The following ADCY1 variants were observed in gnomAD, a reference collection of about 807,000 sequenced individuals.
The protein encoded by ADCY1 is adenylate cyclase 1.
Under a neutral mutation model 105.4 loss-of-function variants are expected in ADCY1, and 28 were observed. The ratio of observed to expected loss-of-function variants is 0.27; its 90% CI spans 0.20 to 0.36. The LOEUF (loss-of-function observed/expected upper bound fraction) is 0.36, where lower values mean the gene tolerates loss of function less well. ADCY1 is among the 10% of genes least tolerant of loss of function. The pLI is 1.00. For synonymous variants in ADCY1, 655 were observed against 623.8 expected, an observed-to-expected ratio of 1.05 and a Z score of -0.75; for missense variants, 977 against 1,434.2, an observed-to-expected ratio of 0.68 and a Z score of 5.15.
chr7:45,592,419 C>T (rs1784786640), intron 1 of ADCY1, among the ~76,000 whole-genome samples: 2 of 152,208 alleles, frequency 1.3e-5, no homozygotes, highest in South Asian at 4.1e-4. Context: ...CCCCGATGGC[C>T]TCATTTTAAC....
At chr7:45,592,593 C>T (rs1055554786) in intron 1 of ADCY1, among the ~76,000 whole-genome samples, 166 bp from the exon 2 acceptor site, 4 of 152,170 alleles carry the variant, frequency 2.6e-5, no homozygotes, top group African/African-American at 4.8e-5. Flanking sequence ...AGGGTGAGGA[C>T]GAGCTCCTGC....
At chr7:45,665,856 T>C (rs1784234579) in intron 8 of ADCY1, among the ~76,000 whole-genome samples, 1 of 152,220 alleles carries the variant, frequency 6.6e-6, no homozygotes, top group Non-Finnish European at 1.5e-5. Context: ...GTTGATCTCA[T>C]GTCTACTGGT....
At chr7:45,702,172 T>A (rs1337451377) in intron 14 of ADCY1, among the ~76,000 whole-genome samples, 1 of 152,228 alleles carries the variant, frequency 6.6e-6, no homozygotes, top group Non-Finnish European at 1.5e-5. Context: ...AGCGGCATAT[T>A]CGTGGCCAGC....
intron 2 of ADCY1, among the ~76,000 whole-genome samples, chr7:45,597,008 A>G (rs1359974889): frequency 6.6e-6 from 1 of 152,162 alleles, no homozygotes; most frequent in African/African-American, 2.4e-5. Context: ...CTTTGTGAGT[A>G]GGGAGAGCAT....
intron 14 of ADCY1, among the ~76,000 whole-genome samples, chr7:45,699,896 G>A (rs1001028092): frequency 2.0e-5 from 3 of 152,146 alleles, no homozygotes; most frequent in East Asian, 1.9e-4. Context: ...AGTGGACACC[G>A]GAGCTTCCTC....
intron 3 of ADCY1, among the ~76,000 whole-genome samples, chr7:45,620,988 A>G (rs1215345476): frequency 1.3e-5 from 2 of 151,838 alleles, no homozygotes; most frequent in African/African-American, 4.8e-5. Context: ...CCATAGTTAC[A>G]TGTGTCACCT....
At chr7:45,602,202 A>T (rs1793257676) in intron 2 of ADCY1, among the ~76,000 whole-genome samples, 1 of 151,334 alleles carries the variant, frequency 6.6e-6, no homozygotes, top group Admixed American at 6.6e-5. Flanking sequence ...GAGGAAGGGG[A>T]TATGGGCTGG....
At chr7:45,593,157 G>A (rs1238799809) in intron 2 of ADCY1, among the ~76,000 whole-genome samples, 2 of 152,150 alleles carry the variant, frequency 1.3e-5, no homozygotes, top group Non-Finnish European at 2.9e-5. Context: ...GCATTTGGGC[G>A]CACGGACTTC....
chr7:45,610,632 T>G (rs1584267817), intron 3 of ADCY1, 135 bp downstream of exon 3: 2 of 704,026 alleles, frequency 2.8e-6, no homozygotes, highest in African/African-American at 2.2e-5. Flanking sequence ...GGTGTGGAGG[T>G]AATGGTGAAG....
chr7:45,655,168 C>T (rs1469399423), intron 5 of ADCY1, among the ~76,000 whole-genome samples: 1 of 152,224 alleles, frequency 6.6e-6, no homozygotes, highest in Non-Finnish European at 1.5e-5. Context: ...GCTTACCTGT[C>T]CTTTCACTTC....
chr7:45,599,417 G>A (rs1012577099), intron 2 of ADCY1, among the ~76,000 whole-genome samples: 2 of 150,702 alleles, frequency 1.3e-5, no homozygotes, highest in Admixed American at 6.6e-5. Flanking sequence ...CTCAGTCACC[G>A]CCTTCTGCTT....
intron 4 of ADCY1, among the ~76,000 whole-genome samples, chr7:45,641,795 G>C (rs970023084): frequency 7.0e-6 from 1 of 143,674 alleles, no homozygotes; most frequent in Non-Finnish European, 1.5e-5. Context: ...GCGCGGTGGC[G>C]GGCGCCTGTA....
intron 5 of ADCY1, among the ~76,000 whole-genome samples, chr7:45,649,971 C>T (rs1794765323): frequency 1.3e-5 from 2 of 152,098 alleles, no homozygotes; most frequent in Non-Finnish European, 2.9e-5. Context: ...CAGAGAAAAG[C>T]AGCCTGGCTG....
intron 4 of ADCY1, among the ~76,000 whole-genome samples, chr7:45,623,525 C>T (rs927691986): frequency 1.3e-5 from 2 of 152,206 alleles, no homozygotes; most frequent in African/African-American, 2.4e-5. Flanking sequence ...ATCTGAGCTG[C>T]AGAAGCCAAC....
intron 2 of ADCY1, among the ~76,000 whole-genome samples, chr7:45,609,483 T>C (rs1469858239): frequency 6.6e-6 from 1 of 152,216 alleles, no homozygotes; most frequent in Non-Finnish European, 1.5e-5. Context: ...GGGATGGAGC[T>C]TCTTCCCCTC....
rs1785307431 is a variant in ADCY1, at chr7:45,713,627, T to C, written c.3058-66T>C. 22 of 728,866 alleles carry C rather than the reference T, an allele frequency of 3.0e-5. 1 individual carries two copies. Among genetic ancestry groups the C allele is most frequent in the South Asian group, 2.9e-4 (19 of 64,896 alleles). The allele number at this position is 728,866 out of a possible 1,614,324, so 45.1% of individuals were successfully genotyped here. On this transcript the variant is annotated intron_variant, in intron 19 of 19. Coordinates refer to ENST00000297323, the MANE Select transcript of ADCY1 (RefSeq NM_021116.4). ...AGCAACAGATGCAGGATGGAGTGTTTTGGTCTCTTCCCAGAGGAGTCCCCC... is the reference window on the plus strand; with the variant it reads ...AGCAACAGATGCAGGATGGAGTGTTCTGGTCTCTTCCCAGAGGAGTCCCCC...
In ADCY1 at chr7:45,592,828, C is replaced by T. The variant is rs1419569366; in HGVS notation, c.709C>T (p.Arg237Cys). ...GGTCTTTGTGCGGATTCTGACTGAG[C>T]GTTCACAGAGGAAGGCGTTCCTGCA... ...YGVFVRILTE[R>C]SQRKAFLQAR... The change falls in exon 2 of 20, where the codon CGT becomes TGT. Residue 237 changes from arginine to cysteine, a missense_variant. Arg to Cys is a radical substitution (Grantham distance 180, BLOSUM62 -3). Transcript: ENST00000297323. 4 of 1,614,208 alleles carry T rather than the reference C, an allele frequency of 2.5e-6. No individual in the cohort carries two copies. The highest frequency in any genetic ancestry group is 3.4e-6 in the Non-Finnish European group (4 of 1,180,054).
rs1040372344 is a variant in ADCY1, at chr7:45,686,126, G to T, written c.2238G>T (p.Arg746=). The T allele has an allele frequency of 8.1e-6, 13 of 1,613,986 alleles. No homozygotes were observed. The highest frequency in any genetic ancestry group is 1.1e-5 in the Non-Finnish European group (13 of 1,180,024). ...VGTLPLAIFF[R]VSSLPKMILL... ...CCCTCCCGCTAGCCATATTTTTCCG[G>T]GTGTCCTCCTTGCCAAAAATGATCC... is the stretch of plus-strand genomic sequence containing the variant. Residue 746 remains arginine (R), a synonymous_variant, in exon 13 of 20, where the codon CGG becomes CGT. Coordinates refer to ENST00000297323, the MANE Select transcript of ADCY1 (RefSeq NM_021116.4). The surrounding 1 kb of genome is among the most constrained non-coding windows in gnomAD (Gnocchi z 4.3).
In ADCY1 at chr7:45,717,227, T is replaced by C. The variant is rs1444147206; in HGVS notation, c.*3232T>C. The C allele has an allele frequency of 6.6e-6, 1 of 152,114 alleles. No homozygotes were observed. The highest frequency in any genetic ancestry group is 1.5e-5 in the Non-Finnish European group (1 of 68,040). The allele number at this position is 152,114 out of a possible 1,614,324, so 9.4% of individuals were successfully genotyped here. On this transcript the variant is annotated 3_prime_UTR_variant, in exon 20 of 20. Coordinates refer to ENST00000297323, the MANE Select transcript of ADCY1 (RefSeq NM_021116.4). ...AAGCCGTCGCGGGGACCATGCTGCC[T>C]TCTCTGGGCTCACGACTGTTCTGGA...
Sources: allele counts gnomAD v4.1 joint callset (sites outside exome capture counted in the v4.1 genomes callset), GRCh38; gene constraint gnomAD v4.1.1; non-coding constraint Gnocchi (gnomAD v3.1); transcripts MANE v1.5; gene names NCBI Gene and HGNC (gene_info 2026-07-23, HGNC 2026-07-21).